The following NEB variants were observed in gnomAD, a reference collection of about 807,000 sequenced individuals.
NEB encodes the protein nebulin, also known as nemaline myopathy type 2.
In NEB, 512 loss-of-function variants were observed where a neutral mutation model predicts 952.2. The observed-to-expected ratio is 0.54, with a 90% CI of 0.50 to 0.58. NEB has a LOEUF of 0.58. Among genes scored for constraint, NEB ranks in the 20% least tolerant of loss-of-function variants. The pLI is 0.00. For synonymous variants in NEB, 2,900 were observed against 3,149.8 expected, an observed-to-expected ratio of 0.92 and a Z score of 2.66; for missense variants, 8,428 against 9,231.1, an observed-to-expected ratio of 0.91 and a Z score of 3.56.
At chr2:151,622,121 CA>C (rs1405530455) in intron 71 of NEB, among the ~76,000 whole-genome samples, 2 of 152,150 alleles carry the variant, frequency 1.3e-5, no homozygotes, top group African/African-American at 2.4e-5. Flanking sequence ...GTGCCTCAGC[CA>C]CCCGAGTAGC....
At chr2:151,576,506 ATATATATATATTTTTTTTTTTTTTTTTT>A (rs1190808578) in intron 105 of NEB, among the ~76,000 whole-genome samples, 152 bp from the exon 106 acceptor site, 4 of 43,582 alleles carry the variant, frequency 9.2e-5, no homozygotes, top group Non-Finnish European at 1.6e-4. Flanking sequence ...ATATATATAT[ATATATATATATTTTTTTTTTTTTTTTTT>A]TTTTTTTTTT....
chr2:151,687,576 G>A (rs2148953464), intron 26 of NEB, 44 bp from the exon 27 acceptor site: 1 of 1,612,768 alleles, frequency 6.2e-7, no homozygotes, highest in Non-Finnish European at 8.5e-7. Context: ...ACCAGGAAAT[G>A]TCCCCAAGGC....
In NEB at chr2:151,617,429, T is replaced by C. The variant is rs199551865; in HGVS notation, c.11116A>G (p.Ile3706Val). The change falls in exon 75 of 182, where the codon ATT becomes GTT. Residue 3706 changes from isoleucine to valine, a missense_variant. This residue lies in a region of NEB where 1,772 missense variants were observed against 1,960.3 expected (regional missense o/e 0.90). Coordinates refer to ENST00000397345, the MANE Select transcript of NEB (RefSeq NM_001164508.2). Reference protein sequence around the residue: ...TEAWDNDKKTIHVMPDTPEIM... With the variant: ...TEAWDNDKKTVHVMPDTPEIM... ...TCTGGTGTATCAGGCATGACATGAATAGTTTTCTTGTCATTGTCCCAGGCT... is the reference window on the plus strand; with the variant it reads ...TCTGGTGTATCAGGCATGACATGAACAGTTTTCTTGTCATTGTCCCAGGCT... 8.8e-5 allele frequency: 137 copies of C among 1,558,552 alleles called. No individual in the cohort carries two copies. Among genetic ancestry groups the C allele is most frequent in the Non-Finnish European group, 1.1e-4 (132 of 1,151,478 alleles).
Position 151,639,913 on chromosome 2 carries a change from C to A in NEB, c.8833G>T (p.Val2945Leu), listed in dbSNP as rs2098826624. 6.2e-7 allele frequency: 1 copy of A among 1,613,828 alleles called. No homozygotes were observed. The highest frequency in any genetic ancestry group is 1.3e-5 in the African/African-American group (1 of 74,918). ...AACACTTGTTCCAGAGAGTCAGTCA[C>A]ACTGGTAAATTTGAATCTGTCTGGA... is the stretch of plus-strand genomic sequence containing the variant. ...QPPDRFKFTS[V>L]TDSLEQVLAK... The change falls in exon 62 of 182, where the codon GTG becomes TTG. Residue 2945 changes from valine to leucine, a missense_variant. Around this residue, in one of 11 missense-constraint regions of NEB, gnomAD observed 1,772 missense variants for 1,960.3 expected, o/e 0.90. Coordinates refer to ENST00000397345, the MANE Select transcript of NEB (RefSeq NM_001164508.2).
chr2:151,549,852 C>A, intron 129 of NEB, 112 bp from the exon 130 acceptor site: 1 of 642,310 alleles, frequency 1.6e-6, no homozygotes, highest in Non-Finnish European at 2.8e-6. Context: ...ACTTAATACA[C>A]TTATGCTCAC....
At chr2:151,570,622 GTATCATCC>G in intron 107 of NEB, 21 bp from the exon 108 acceptor site, 1 of 1,561,056 alleles carries the variant, frequency 6.4e-7, no homozygotes, top group Non-Finnish European at 8.7e-7. Flanking sequence ...GAAAAATAAG[GTATCATCC>G]TAGATTCAAA....
chr2:151,724,217 G>C, intron 8 of NEB, 43 bp downstream of exon 8: 2 of 1,401,436 alleles, frequency 1.4e-6, no homozygotes, highest in Non-Finnish European at 2.0e-6. Flanking sequence ...TATATGATGG[G>C]ATGACATAGG....
Position 151,524,576 on chromosome 2 carries a change from G to T in NEB, c.22313C>A (p.Thr7438Asn). 1 of 1,611,426 alleles carries T rather than the reference G, an allele frequency of 6.2e-7. No homozygotes were observed. Among genetic ancestry groups the T allele is most frequent in the Non-Finnish European group, 8.5e-7 (1 of 1,179,098 alleles). ...GATGTCTGGTCGATCAGCCACTGTG[G>T]TGTAATGCAGGTTCTCTTTGGCATC... ...RKDAKENLHY[T>N]TVADRPDIKK... Residue 7438 changes from threonine (T) to asparagine (N), a missense_variant, in exon 152 of 182, where the codon ACC becomes AAC. By Grantham distance (65) the Thr-to-Asn change is moderately conservative (BLOSUM62 0). Transcript: ENST00000397345.
At chr2:151,693,140 C>T (rs2099571519) in intron 20 of NEB, among the ~76,000 whole-genome samples, 1 of 152,148 alleles carries the variant, frequency 6.6e-6, no homozygotes, top group Admixed American at 6.5e-5. Flanking sequence ...ACATTAAGAC[C>T]TAACAGTTTT....
Position 151,627,618 on chromosome 2 carries a change from C to T in NEB, c.10048G>A (p.Asp3350Asn), listed in dbSNP as rs377180119. Residue 3350 changes from aspartate to asparagine, a missense_variant, in exon 69 of 182, where the codon GAT becomes AAT. Asp to Asn is a conservative substitution (Grantham distance 23). Around this residue, in one of 11 missense-constraint regions of NEB, gnomAD observed 1,772 missense variants for 1,960.3 expected, o/e 0.90. Coordinates refer to ENST00000397345, the MANE Select transcript of NEB (RefSeq NM_001164508.2). ...TGCAGGTAGTTCTTGTAGTCCACAT[C>T]GCTGACTAAGGTCTGGCACTTCTTG... is the stretch of plus-strand genomic sequence containing the variant. ...LAKKCQTLVS[D>N]VDYKNYLHEW... 2.2e-5 allele frequency: 36 copies of T among 1,613,898 alleles called. No individual in the cohort carries two copies. Among genetic ancestry groups the T allele is most frequent in the Non-Finnish European group, 2.7e-5 (32 of 1,179,904 alleles).
chr2:151,635,844 A>G (rs1270431665), intron 64 of NEB, among the ~76,000 whole-genome samples: 1 of 152,200 alleles, frequency 6.6e-6, no homozygotes, highest in Non-Finnish European at 1.5e-5. Context: ...TTCAAATGTT[A>G]CATAAAGCCA....
chr2:151,559,584 A>ATTTCTT (rs1324989343), intron 124 of NEB, among the ~76,000 whole-genome samples: 1 of 152,254 alleles, frequency 6.6e-6, no homozygotes, highest in African/African-American at 2.4e-5. Flanking sequence ...AATATGGCAT[A>ATTTCTT]TATACACCAT....
At chr2:151,679,581 C>T in intron 32 of NEB, 140 bp downstream of exon 32, 1 of 625,008 alleles carries the variant, frequency 1.6e-6, no homozygotes, top group Non-Finnish European at 2.8e-6. Context: ...ATTTAGGGAA[C>T]TTTATTTCCT....
rs1453009916 is a variant in NEB at position 151,644,120 on chromosome 2, T to C, written c.7654A>G (p.Lys2552Glu). Residue 2552 changes from lysine to glutamate, a missense_variant, in exon 57 of 182, where the codon AAG becomes GAG. Around this residue, in one of 11 missense-constraint regions of NEB, gnomAD observed 1,772 missense variants for 1,960.3 expected, o/e 0.90. Coordinates refer to ENST00000397345, the MANE Select transcript of NEB (RefSeq NM_001164508.2). ...CCGAGCTGCTTGCGAAAGCCTTCCT[T>C]GTACTTGTACTAGAGAAAAAAAATG... Reference protein sequence around the residue: ...SREIASEYKYKEGFRKQLGHH... With the variant: ...SREIASEYKYEEGFRKQLGHH... 1.2e-6 allele frequency: 2 copies of C among 1,613,354 alleles called. No individual in the cohort carries two copies. The highest frequency in any genetic ancestry group is 1.7e-5 in the Admixed American group (1 of 60,006).
At position 151,501,495 on chromosome 2, in the gene NEB, AAACC is replaced by A; in HGVS notation, c.23929-16_23929-13del. On this transcript the variant is annotated splice_polypyrimidine_tract_variant and intron_variant, in intron 167 of 181. Transcript: ENST00000397345. Reference sequence around the variant, plus strand: ...TCTTTGTACAATATCTGTGTGCACAAAACCAACAAACAAATCAACCTGGACCCAT... The same window carrying A: ...TCTTTGTACAATATCTGTGTGCACAAAACAAACAAATCAACCTGGACCCAT... 1 of 1,433,494 alleles carries A rather than the reference AAACC, an allele frequency of 7.0e-7. No individual in the cohort carries two copies. Among genetic ancestry groups the A allele is most frequent in the Non-Finnish European group, 9.3e-7 (1 of 1,073,650 alleles). The allele number at this position is 1,433,494 out of a possible 1,614,324, so 88.8% of individuals were successfully genotyped here. A position where few individuals can be genotyped will look rare whatever the true frequency, so the allele number is the denominator to read the frequency against.
intron 105 of NEB, among the ~76,000 whole-genome samples, 179 bp downstream of exon 105, chr2:151,579,159 G>A: frequency 6.9e-6 from 1 of 144,002 alleles, no homozygotes. Context: ...GAAAATTCTG[G>A]TAGCACCTTT....
chr2:151,715,385 C>T (rs2099756323), intron 10 of NEB, among the ~76,000 whole-genome samples: 1 of 152,166 alleles, frequency 6.6e-6, no homozygotes, highest in Admixed American at 6.5e-5. Context: ...ATATTGGACA[C>T]TAAGTGTTAT....
chr2:151,546,517 A>T lies in NEB; in HGVS notation c.20368-74T>A. On this transcript the variant is annotated intron_variant, in intron 133 of 181. Transcript: ENST00000397345. ...AGGAAACACAAAAGATGGAGTAGCAACACTTCTTAATTACTGTGTCTTTCA... is the reference window on the plus strand; with the variant it reads ...AGGAAACACAAAAGATGGAGTAGCATCACTTCTTAATTACTGTGTCTTTCA... 7.9e-6 allele frequency: 7 copies of T among 881,832 alleles called. No individual in the cohort carries two copies. In the South Asian group the frequency reaches 1.0e-4, roughly 13 times the overall value. 54.6% of individuals were successfully genotyped at this position (881,832 alleles called of 1,614,324 possible). A position where few individuals can be genotyped will look rare whatever the true frequency, so the allele number is the denominator to read the frequency against.
At chr2:151,547,371 G>T in intron 133 of NEB, 58 bp downstream of exon 133, 1 of 1,374,194 alleles carries the variant, frequency 7.3e-7, no homozygotes, top group Non-Finnish European at 1.0e-6. Context: ...TTTAACTGCT[G>T]AAAGCAAGCC....
Sources: gnomAD v4.1 joint callset for allele counts (sites outside exome capture counted in the v4.1 genomes callset) on GRCh38, gnomAD v4.1.1 for gene constraint, gnomAD v4.1.1 regional missense constraint, MANE v1.5 for transcripts, NCBI Gene and HGNC (gene_info 2026-07-23, HGNC 2026-07-21) for gene names.